Variants in OTUD7A observed in about 807,000 individuals in gnomAD.
The protein encoded by OTUD7A is OTU domain-containing protein 7A.
A neutral mutation model predicts 65.7 loss-of-function variants in OTUD7A; 12 were observed. That is an observed-to-expected ratio of 0.18 (90% CI 0.12 to 0.30). The LOEUF (loss-of-function observed/expected upper bound fraction) is 0.30. Among genes scored for constraint, OTUD7A ranks in the 10% least tolerant of loss-of-function variants. The probability of loss-of-function intolerance (pLI) is 1.00; values close to 1 mark genes in which losing one functional copy is unlikely to be tolerated. For missense variants in OTUD7A, 1,148 were observed against 1,304.8 expected, an observed-to-expected ratio of 0.88 and a Z score of 1.85; for synonymous variants, 641 against 586.3, an observed-to-expected ratio of 1.09 and a Z score of -1.35.
intron 1 of OTUD7A, among the ~76,000 whole-genome samples, chr15:31,860,677 G>GTGTGTATGTATATATATATATATATATA: frequency 1.4e-5 from 1 of 73,284 alleles, no homozygotes; most frequent in South Asian, 6.1e-4. Flanking sequence ...ATGTATGTGT[G>GTGTGTATGTATATATATATATATATATA]TATATATATA....
At chr15:31,850,708 T>C (rs748664104) in intron 1 of OTUD7A, among the ~76,000 whole-genome samples, 5 of 151,988 alleles carry the variant, frequency 3.3e-5, no homozygotes, top group South Asian at 2.1e-4. Context: ...AATGCACCAA[T>C]AAAGGGCACA....
chr15:31,815,550 T>C (rs1896526419), intron 1 of OTUD7A, among the ~76,000 whole-genome samples: 1 of 152,260 alleles, frequency 6.6e-6, no homozygotes, highest in Admixed American at 6.5e-5. Flanking sequence ...GCTTCTGACC[T>C]CTCTGCCACT....
intron 3 of OTUD7A, among the ~76,000 whole-genome samples, chr15:31,597,607 G>T (rs1322602991): frequency 6.6e-6 from 1 of 151,840 alleles, no homozygotes; most frequent in Non-Finnish European, 1.5e-5. Context: ...CGGTCTCTGT[G>T]TATGCTCATA....
At chr15:31,685,972 C>A (rs1485177184) in intron 1 of OTUD7A, among the ~76,000 whole-genome samples, 1 of 152,208 alleles carries the variant, frequency 6.6e-6, no homozygotes, top group East Asian at 1.9e-4. Flanking sequence ...GGTGTGTCTT[C>A]AAGCCTTTTG....
intron 1 of OTUD7A, among the ~76,000 whole-genome samples, chr15:31,833,907 C>T (rs917429167): frequency 3.3e-5 from 5 of 152,220 alleles, no homozygotes; most frequent in East Asian, 1.9e-4. Flanking sequence ...CTGGAGGCCC[C>T]GCTCTGCTTT....
At chr15:31,863,767 T>C (rs952883730) in intron 1 of OTUD7A, among the ~76,000 whole-genome samples, 2 of 152,208 alleles carry the variant, frequency 1.3e-5, no homozygotes, top group African/African-American at 2.4e-5. Context: ...TCTTAGTGTT[T>C]AACGTTAGGA....
Position 31,495,029 on chromosome 15 carries a change from C to T in OTUD7A, c.1171+6661G>A, listed in dbSNP as rs550593755. Among the ~76,000 whole-genome samples, 163 of 152,202 alleles carry T rather than the reference C, an allele frequency of 1.1e-3. 1 individual carries two copies. Among genetic ancestry groups the T allele is most frequent in the Non-Finnish European group, 1.9e-3 (131 of 68,008 alleles). On this transcript the variant is annotated intron_variant, in intron 10 of 12. Transcript: ENST00000307050. The stretch of plus-strand genomic sequence containing the variant: ...GGTATGCGCTTCCTGTGGGCATGGA[C>T]GTCTTGGGGAGGTCTGGTGGGGGAT...
intron 1 of OTUD7A, among the ~76,000 whole-genome samples, chr15:31,670,277 T>C (rs1892447218): frequency 6.6e-6 from 1 of 152,320 alleles, no homozygotes; most frequent in South Asian, 2.1e-4. Flanking sequence ...GAATGATTTG[T>C]ATTCCTTTGG....
At chr15:31,651,528 C>T (rs766679637) in intron 3 of OTUD7A, among the ~76,000 whole-genome samples, 4 of 150,834 alleles carry the variant, frequency 2.7e-5, no homozygotes, top group Non-Finnish European at 5.9e-5. Context: ...TAAAACTGTC[C>T]TTACTCACAG....
intron 10 of OTUD7A, among the ~76,000 whole-genome samples, chr15:31,488,572 C>A (rs1322663697): frequency 6.6e-6 from 1 of 152,224 alleles, no homozygotes; most frequent in Non-Finnish European, 1.5e-5. Flanking sequence ...CTGCAGGCCC[C>A]ACACCTGGGA....
chr15:31,529,739 C>T (rs1053230185), intron 6 of OTUD7A, among the ~76,000 whole-genome samples: 3 of 152,138 alleles, frequency 2.0e-5, no homozygotes, highest in African/African-American at 4.8e-5. Flanking sequence ...TAGGCCTCAC[C>T]GCAGGTCCAA....
chr15:31,481,890 T>C lies in OTUD7A; in HGVS notation c.*1404A>G, dbSNP rs1431063921. On this transcript the variant is annotated 3_prime_UTR_variant, in exon 13 of 13. Transcript: ENST00000307050. ...CAAAGCCAGGCGCTTTCTCCTGTCC[T>C]AGGATTATTAGAAGCTATTCTAAGG... The C allele has an allele frequency of 6.6e-6, 1 of 152,248 alleles. No homozygotes were observed. Among genetic ancestry groups the C allele is most frequent in the African/African-American group, 2.4e-5 (1 of 41,458 alleles). 9.4% of individuals were successfully genotyped at this position (152,248 alleles called of 1,614,324 possible).
chr15:31,553,665 T>C (rs1888399238), intron 5 of OTUD7A, among the ~76,000 whole-genome samples: 1 of 151,746 alleles, frequency 6.6e-6, no homozygotes, highest in South Asian at 2.1e-4. Flanking sequence ...CATGCTGGAC[T>C]CTTCCCTGCC....
At chr15:31,722,999 C>T (rs1291886484) in intron 1 of OTUD7A, among the ~76,000 whole-genome samples, 2 of 152,184 alleles carry the variant, frequency 1.3e-5, no homozygotes, top group Non-Finnish European at 2.9e-5. Flanking sequence ...AGTGCCTCAG[C>T]GTTGCTGGAA....
At chr15:31,767,391 A>C in intron 1 of OTUD7A, 1 of 775,694 alleles carries the variant, frequency 1.3e-6, no homozygotes, top group South Asian at 1.3e-5. Context: ...GATTGTTCTG[A>C]ATACATGTCA....
intron 1 of OTUD7A, among the ~76,000 whole-genome samples, chr15:31,659,602 A>T (rs539374585): frequency 6.6e-6 from 1 of 152,368 alleles, no homozygotes; most frequent in East Asian, 1.9e-4. Context: ...GGTTGGCATG[A>T]CCATTTTTCC....
chr15:31,855,172 T>G (rs1042647442), intron 1 of OTUD7A, among the ~76,000 whole-genome samples: 1 of 152,216 alleles, frequency 6.6e-6, no homozygotes, highest in African/African-American at 2.4e-5. Context: ...TTACTTTACT[T>G]AGTTTAAAAG....
intron 3 of OTUD7A, among the ~76,000 whole-genome samples, chr15:31,621,699 T>C (rs374705279): frequency 2.9e-4 from 44 of 152,240 alleles, no homozygotes; most frequent in South Asian, 1.7e-3. Flanking sequence ...AGCACACTGA[T>C]GTCTCTTGAC....
At chr15:31,701,856 A>G (rs1198319523) in intron 1 of OTUD7A, among the ~76,000 whole-genome samples, 1 of 152,084 alleles carries the variant, frequency 6.6e-6, no homozygotes, top group East Asian at 1.9e-4. Flanking sequence ...AACAAATAAA[A>G]CTATAGACCA....
Sources: allele counts gnomAD v4.1 joint callset (sites outside exome capture counted in the v4.1 genomes callset), GRCh38; gene constraint gnomAD v4.1.1; transcripts MANE v1.5; gene names NCBI Gene and HGNC (gene_info 2026-07-23, HGNC 2026-07-21).